Variants in HYDIN observed in about 807,000 individuals in gnomAD.
HYDIN encodes axonemal central pair apparatus protein HYDIN.
HYDIN carries 132 observed loss-of-function variants against 403.9 expected under a neutral mutation model. The ratio of observed to expected loss-of-function variants is 0.33; its 90% CI spans 0.28 to 0.38. The LOEUF (loss-of-function observed/expected upper bound fraction) is 0.38, where lower values mean the gene tolerates loss of function less well. Ranked by LOEUF, HYDIN falls within the 10% of genes least tolerant of loss-of-function variation. The pLI is 1.00. For synonymous variants in HYDIN, 1,202 were observed against 1,891.7 expected (o/e 0.64, Z 9.46); for missense variants, 2,827 against 5,009.5 (o/e 0.56, Z 13.15).
chr16:71,100,197 A>C (rs1274756895), intron 10 of HYDIN, among the ~76,000 whole-genome samples: 1 of 152,218 alleles, frequency 6.6e-6, no homozygotes, highest in Non-Finnish European at 1.5e-5. Flanking sequence ...TCAAAGCAAA[A>C]GTTGTAAAAC....
chr16:71,035,928 A>G (rs2081070232), intron 18 of HYDIN, among the ~76,000 whole-genome samples: 1 of 151,424 alleles, frequency 6.6e-6, no homozygotes. Flanking sequence ...GGTGCACATC[A>G]CTTCTGTTCA....
chr16:71,064,678 A>C (rs777432134), intron 16 of HYDIN, 27 bp downstream of exon 16: 57 of 1,591,636 alleles, frequency 3.6e-5, no homozygotes, highest in Middle Eastern at 3.4e-4. Flanking sequence ...AGAATAATTA[A>C]TACTGAAGAA....
In HYDIN at chr16:70,906,439, C is replaced by A. The variant is rs1276838557; in HGVS notation, c.8516+933G>T. Reference sequence around the variant, plus strand: ...ACCTACCTTCTGCAATGCCATCTCGCCTTTCTCCCCGTTGGCATGCAGTGA... The same window carrying A: ...ACCTACCTTCTGCAATGCCATCTCGACTTTCTCCCCGTTGGCATGCAGTGA... On this transcript the variant is annotated intron_variant, in intron 50 of 85. Coordinates refer to ENST00000393567, the MANE Select transcript of HYDIN (RefSeq NM_001270974.2). Among the ~76,000 whole-genome samples the A allele has an allele frequency of 2.6e-5, 4 of 151,604 alleles. No individual in the cohort carries two copies. In the South Asian group the frequency reaches 8.3e-4, roughly 32 times the overall value.
intron 1 of HYDIN, among the ~76,000 whole-genome samples, chr16:71,218,938 T>G (rs1453737550): frequency 6.6e-6 from 1 of 152,224 alleles, no homozygotes; most frequent in Non-Finnish European, 1.5e-5. Context: ...ACTTTTGGCT[T>G]CATAAACACA....
intron 3 of HYDIN, 102 bp from the exon 4 acceptor site, chr16:71,179,149 C>T (rs1421000982): frequency 9.6e-6 from 8 of 829,836 alleles, no homozygotes; most frequent in South Asian, 4.2e-5. Context: ...TAAAACTAAA[C>T]ATGGGAAATA....
At chr16:71,069,750 G>T (rs1321772624) in intron 13 of HYDIN, among the ~76,000 whole-genome samples, 1 of 151,978 alleles carries the variant, frequency 6.6e-6, no homozygotes, top group Non-Finnish European at 1.5e-5. Context: ...CATTTACTAT[G>T]TGGGAGATTA....
In HYDIN at chr16:70,807,213, C is replaced by G. The variant is rs2035145643; in HGVS notation, c.*367G>C. On this transcript the variant is annotated 3_prime_UTR_variant, in exon 86 of 86. Transcript: ENST00000393567. ...TGGATTTTAAAAAGAAACTGCAGTA[C>G]CCAGCGTCACGCATTGCTAAGTGTT... is the stretch of plus-strand genomic sequence containing the variant. Among the ~76,000 whole-genome samples, 1 of 152,146 alleles carries G rather than the reference C, an allele frequency of 6.6e-6. No homozygotes were observed. The highest frequency in any genetic ancestry group is 1.5e-5 in the Non-Finnish European group (1 of 68,020).
chr16:70,960,566 C>T (rs1340137691), intron 38 of HYDIN, among the ~76,000 whole-genome samples: 1 of 150,632 alleles, frequency 6.6e-6, no homozygotes, highest in Non-Finnish European at 1.5e-5. Context: ...TATAGTCATC[C>T]CAAATACATT....
intron 75 of HYDIN, among the ~76,000 whole-genome samples, chr16:70,845,784 C>T (rs1217226026): frequency 2.9e-5 from 4 of 136,038 alleles, no homozygotes; most frequent in Non-Finnish European, 4.5e-5. Flanking sequence ...GTGTATGTGT[C>T]GAGGAATTTA....
chr16:70,818,201 T>C, intron 84 of HYDIN, 141 bp downstream of exon 84: 1 of 596,276 alleles, frequency 1.7e-6, no homozygotes, highest in East Asian at 2.8e-5. Context: ...AACATGAGGG[T>C]GATTGTCCCG....
At position 71,060,656 on chromosome 16, in the gene HYDIN, C is replaced by T. The variant is rs1202976265; in HGVS notation, c.2377G>A (p.Val793Ile). ...TCTCCAGCGCTCTTTAAGTGACATACCTGAGTTCCGCCAGAGAGAAAGAAC... is the reference window on the plus strand; with the variant it reads ...TCTCCAGCGCTCTTTAAGTGACATATCTGAGTTCCGCCAGAGAGAAAGAAC... ...SIFGSQDPPLVCHLKSAGEGP... is the reference protein window; with the variant it reads ...SIFGSQDPPLICHLKSAGEGP... The change falls in exon 18 of 86, where the codon GTA (valine) becomes ATA (isoleucine). Residue 793 changes from valine to isoleucine, a missense_variant and splice_region_variant. Val to Ile is a conservative substitution (Grantham distance 29, BLOSUM62 3). Coordinates refer to ENST00000393567, the MANE Select transcript of HYDIN (RefSeq NM_001270974.2). 4.9e-6 allele frequency: 3 copies of T among 610,876 alleles called. No homozygotes were observed. Among genetic ancestry groups the T allele is most frequent in the South Asian group, 4.0e-5 (2 of 50,164 alleles). 37.8% of individuals were successfully genotyped at this position (610,876 alleles called of 1,614,324 possible). A position where few individuals can be genotyped will look rare whatever the true frequency, so the allele number is the denominator to read the frequency against.
chr16:71,073,554 G>A (rs1424032177), intron 13 of HYDIN, among the ~76,000 whole-genome samples: 1 of 152,078 alleles, frequency 6.6e-6, no homozygotes, highest in Non-Finnish European at 1.5e-5. Context: ...GAACAACTCT[G>A]TCCCCAAATC....
intron 58 of HYDIN, among the ~76,000 whole-genome samples, chr16:70,887,694 T>TC (rs1480013292): frequency 1.3e-3 from 201 of 149,824 alleles, no homozygotes; most frequent in African/African-American, 4.7e-3. Flanking sequence ...TCTTTTCTTT[T>TC]TTTTTTTGAG....
At chr16:71,151,031 A>C (rs1233294616) in intron 7 of HYDIN, among the ~76,000 whole-genome samples, 2 of 152,146 alleles carry the variant, frequency 1.3e-5, no homozygotes, top group Non-Finnish European at 2.9e-5. Flanking sequence ...AAAATTGACA[A>C]AACAGCACTA....
chr16:70,842,926 T>C (rs2037927569), intron 75 of HYDIN, among the ~76,000 whole-genome samples: 1 of 151,968 alleles, frequency 6.6e-6, no homozygotes, highest in African/African-American at 2.4e-5. Flanking sequence ...TTTTGAGTTG[T>C]TGTATTAGTG....
chr16:70,948,814 G>T (rs1597391735), intron 41 of HYDIN, among the ~76,000 whole-genome samples: 2 of 150,292 alleles, frequency 1.3e-5, no homozygotes, highest in African/African-American at 4.9e-5. Flanking sequence ...AACAACAGGT[G>T]CTGGAGAGGA....
chr16:70,947,722 T>C (rs924264429), intron 41 of HYDIN, among the ~76,000 whole-genome samples: 1 of 151,664 alleles, frequency 6.6e-6, no homozygotes, highest in Non-Finnish European at 1.5e-5. Context: ...TCAAAGAGAA[T>C]AAAATACCTA....
At chr16:70,994,266 CATGGATGGATGGATGG>C (rs34567184) in intron 23 of HYDIN, among the ~76,000 whole-genome samples, 20 of 136,678 alleles carry the variant, frequency 1.5e-4, no homozygotes, top group Admixed American at 3.7e-4. Flanking sequence ...TGGATGGATG[CATGGATGGATGGATGG>C]ATGGATGGAT....
intron 12 of HYDIN, chr16:71,080,841 A>G (rs2082764442): frequency 6.7e-6 from 1 of 150,116 alleles, no homozygotes; most frequent in Non-Finnish European, 1.5e-5. Context: ...GGGTGATTTT[A>G]AAAATAGAGG....
Sources: gnomAD v4.1 joint callset for allele counts (sites outside exome capture counted in the v4.1 genomes callset) on GRCh38, gnomAD v4.1.1 for gene constraint, MANE v1.5 for transcripts, NCBI Gene and HGNC (gene_info 2026-07-23, HGNC 2026-07-21) for gene names.